Variants in CDH19 observed in about 807,000 individuals in gnomAD.
CDH19 encodes the protein cadherin-19.
A neutral mutation model predicts 64.2 loss-of-function variants in CDH19; 67 were observed. The ratio of observed to expected loss-of-function variants is 1.04; its 90% CI spans 0.86 to 1.28. The LOEUF (loss-of-function observed/expected upper bound fraction) is 1.28, where lower values mean the gene tolerates loss of function less well. CDH19 is among the 50% of genes most tolerant of loss of function. The pLI is 0.00. For synonymous variants in CDH19, 346 were observed against 319.3 expected, an observed-to-expected ratio of 1.08 and a Z score of -0.89; for missense variants, 1,030 against 929.0, an observed-to-expected ratio of 1.11 and a Z score of -1.41.
At chr18:66,555,443 T>G (rs1006273960) in intron 3 of CDH19, among the ~76,000 whole-genome samples, 37 of 151,928 alleles carry the variant, frequency 2.4e-4, no homozygotes, top group African/African-American at 8.7e-4. Flanking sequence ...TATACTTCAC[T>G]AACATGAAAC....
At chr18:66,535,293 A>G (rs1478019658) in intron 7 of CDH19, among the ~76,000 whole-genome samples, 186 bp from the exon 8 acceptor site, 1 of 151,784 alleles carries the variant, frequency 6.6e-6, no homozygotes, top group Non-Finnish European at 1.5e-5. Flanking sequence ...GATAGAAAAA[A>G]AGACGTAACA....
rs1987158903 is a variant in CDH19, at chr18:66,547,448, T to C, written c.776-2545A>G. Among the ~76,000 whole-genome samples the C allele has an allele frequency of 2.0e-5, 3 of 151,946 alleles. No individual in the cohort carries two copies. The Middle Eastern group carries it at 0.01, about 517-fold the overall frequency. The stretch of plus-strand genomic sequence containing the variant: ...CTATCAATTCAGGCTGGGGGAAAAA[T>C]TATGGTTGACCTGGGTATGGCTACC... On this transcript the variant is annotated intron_variant, in intron 5 of 11. Transcript: ENST00000262150.
chr18:66,589,582 T>C (rs1988683359), intron 1 of CDH19, among the ~76,000 whole-genome samples: 1 of 151,938 alleles, frequency 6.6e-6, no homozygotes, highest in Non-Finnish European at 1.5e-5. Context: ...CACATCTCTC[T>C]ATAACTGTAA....
At chr18:66,529,608 A>G (rs1328583451) in intron 9 of CDH19, among the ~76,000 whole-genome samples, 21 of 148,562 alleles carry the variant, frequency 1.4e-4, no homozygotes, top group Admixed American at 1.3e-3. Context: ...GTTTTAAAAT[A>G]AGATGAATGC....
intron 7 of CDH19, among the ~76,000 whole-genome samples, chr18:66,537,225 T>C (rs1468630811): frequency 6.6e-6 from 1 of 151,986 alleles, no homozygotes. Flanking sequence ...CGGCCTTTCA[T>C]TTTCCTGCGT....
At position 66,535,710 on chromosome 18, in the gene CDH19, CAT is replaced by C. The variant is rs1397019292; in HGVS notation, c.1215-605_1215-604del. 3.5e-5 allele frequency among the ~76,000 whole-genome samples: 5 copies of C among 144,678 alleles called. No individual in the cohort carries two copies. The Admixed American group carries it at 3.5e-4, about 10-fold the overall frequency. The allele number at this position is 144,678 out of a possible 152,430, so 94.9% of individuals were successfully genotyped here. ...ATGACATATTTTATTACATATATAA[CAT>C]ATTTGTAATATTTAATACATATATG... is the stretch of plus-strand genomic sequence containing the variant. On this transcript the variant is annotated intron_variant, in intron 7 of 11. Transcript: ENST00000262150.
At chr18:66,603,542 T>C (rs1287711612) in intron 1 of CDH19, among the ~76,000 whole-genome samples, 2 of 151,822 alleles carry the variant, frequency 1.3e-5, no homozygotes, top group Non-Finnish European at 2.9e-5. Context: ...GACAACTCTA[T>C]TGTTCATATT....
chr18:66,511,199 T>TG (rs1985464763), intron 10 of CDH19, among the ~76,000 whole-genome samples: 1 of 752 alleles, frequency 1.3e-3, no homozygotes, highest in African/African-American at 1.5e-3. Context: ...CTAATATGAC[T>TG]AACTAAAATA....
chr18:66,566,686 T>C (rs1185489348), intron 3 of CDH19, among the ~76,000 whole-genome samples: 1 of 151,872 alleles, frequency 6.6e-6, no homozygotes, highest in East Asian at 1.9e-4. Flanking sequence ...CACAGCAGCA[T>C]TACACACGGT....
chr18:66,514,887 C>G (rs961354441), intron 9 of CDH19, among the ~76,000 whole-genome samples: 1 of 151,550 alleles, frequency 6.6e-6, no homozygotes, highest in Non-Finnish European at 1.5e-5. Context: ...ATTTAAGATG[C>G]AACTCTTGTA....
At chr18:66,547,877 C>T (rs1211821091) in intron 5 of CDH19, among the ~76,000 whole-genome samples, 1 of 142,644 alleles carries the variant, frequency 7.0e-6, no homozygotes, top group Non-Finnish European at 1.5e-5. Context: ...CCGTTTTAGC[C>T]GGGATGGTCT....
chr18:66,544,198 G>A lies in CDH19; in HGVS notation c.987C>T (p.His329=), dbSNP rs1442806720. 6.2e-7 allele frequency: 1 copy of A among 1,613,086 alleles called. No individual in the cohort carries two copies. Among genetic ancestry groups the A allele is most frequent in the Non-Finnish European group, 8.5e-7 (1 of 1,179,554 alleles). The change falls in exon 7 of 12, where the codon CAC becomes CAT. Residue 329 remains histidine, a synonymous_variant. Coordinates refer to ENST00000262150, the MANE Select transcript of CDH19 (RefSeq NM_021153.4). ...KKKVDFEHQN[H]YGIRAKVKNH... ...TTTTAACTTTTGCTCTAATACCGTA[G>A]TGGTTCTGGTGCTCAAAATCCACTT...
intron 5 of CDH19, among the ~76,000 whole-genome samples, chr18:66,545,835 T>C (rs1247586203): frequency 2.0e-5 from 3 of 152,074 alleles, no homozygotes; most frequent in Non-Finnish European, 4.4e-5. Flanking sequence ...AGTTGGTAAG[T>C]GAATGTAATA....
chr18:66,506,902 G>A (rs964276124), intron 11 of CDH19, among the ~76,000 whole-genome samples: 3 of 151,774 alleles, frequency 2.0e-5, no homozygotes, highest in Admixed American at 2.0e-4. Flanking sequence ...TTCATGTATT[G>A]CACTTTAGAA....
intron 11 of CDH19, among the ~76,000 whole-genome samples, chr18:66,507,539 A>G (rs925078358): frequency 1.3e-5 from 2 of 151,880 alleles, no homozygotes; most frequent in African/African-American, 4.8e-5. Context: ...AATATTTTAT[A>G]GTCCTGAAAG....
rs1163790337 is a variant in CDH19, at chr18:66,504,903, T to C, written c.2228A>G (p.Gln743Arg). Residue 743 changes from glutamine (Q) to arginine (R), a missense_variant, in exon 12 of 12, where the codon CAG (glutamine) becomes CGG (arginine). Transcript: ENST00000262150. ...LSSLESAVSD[Q>R]DESYDYLNEL... ...ATTAAGGTAATCATAGCTTTCATCC[T>C]GATCAGAGACTGCTGATTCTAAGGA... 1 of 1,613,492 alleles carries C rather than the reference T, an allele frequency of 6.2e-7. No homozygotes were observed. The highest frequency in any genetic ancestry group is 1.7e-5 in the Admixed American group (1 of 59,876).
At chr18:66,521,530 T>TA (rs1168665817) in intron 9 of CDH19, among the ~76,000 whole-genome samples, 20,865 of 143,658 alleles carry the variant, frequency 0.15, 1,630 homozygotes, top group Admixed American at 0.17. Flanking sequence ...TTATTTTGTT[T>TA]GTTTGTTTGT....
chr18:66,502,310 C>G lies in CDH19; in HGVS notation c.*2502G>C, dbSNP rs979886427. On this transcript the variant is annotated 3_prime_UTR_variant, in exon 12 of 12. Coordinates refer to ENST00000262150, the MANE Select transcript of CDH19 (RefSeq NM_021153.4). Reference sequence around the variant, plus strand: ...CTTTCCCTGTGTATCCTATGATTGACAATCTTATAATCAACTCAACCAGAA... The same window carrying G: ...CTTTCCCTGTGTATCCTATGATTGAGAATCTTATAATCAACTCAACCAGAA... The G allele has an allele frequency of 2.6e-5, 4 of 151,998 alleles. No homozygotes were observed. The highest frequency in any genetic ancestry group is 5.9e-5 in the Non-Finnish European group (4 of 67,960). 9.4% of individuals were successfully genotyped at this position (151,998 alleles called of 1,614,324 possible).
At position 66,572,107 on chromosome 18, in the gene CDH19, T is replaced by G. The variant is rs771449311; in HGVS notation, c.98A>C (p.Gln33Pro). 1 of 1,611,766 alleles carries G rather than the reference T, an allele frequency of 6.2e-7. No homozygotes were observed. The highest frequency in any genetic ancestry group is 8.5e-7 in the Non-Finnish European group (1 of 1,178,506). ...CACTCTCAAATGAGATCGCACTGGC[T>G]GCTTGACTTTCTTTGTTTGAGAGTT... ...TENSQTKKVK[Q>P]PVRSHLRVKR... Residue 33 changes from glutamine to proline, a missense_variant, in exon 2 of 12, where the codon CAG (glutamine) becomes CCG (proline). Gln to Pro is a moderately conservative substitution (Grantham distance 76). Coordinates refer to ENST00000262150, the MANE Select transcript of CDH19 (RefSeq NM_021153.4).
Sources: allele counts gnomAD v4.1 joint callset (sites outside exome capture counted in the v4.1 genomes callset), GRCh38; gene constraint gnomAD v4.1.1; transcripts MANE v1.5; gene names NCBI Gene and HGNC (gene_info 2026-07-23, HGNC 2026-07-21).